KSR2: variants seen among roughly 807,000 people sequenced by gnomAD.
KSR2 encodes kinase suppressor of ras 2.
In KSR2, 25 loss-of-function variants were observed where a neutral mutation model predicts 107.8. That is an observed-to-expected ratio of 0.23 (90% confidence interval 0.17 to 0.32). The LOEUF (loss-of-function observed/expected upper bound fraction) is 0.32, where lower values mean the gene tolerates loss of function less well. KSR2 is among the 10% of genes least tolerant of loss of function. The pLI, the probability that KSR2 is intolerant of heterozygous loss-of-function variation, is 1.00. For missense variants in KSR2, 887 were observed against 1,268.9 expected (o/e 0.70, Z 4.57); for synonymous variants, 480 against 507.0 (o/e 0.95, Z 0.71).
chr12:117,785,481 T>C (rs574815383), intron 3 of KSR2, among the ~76,000 whole-genome samples: 2 of 139,436 alleles, frequency 1.4e-5, no homozygotes, highest in African/African-American at 5.3e-5. Context: ...GAGCCAGATA[T>C]TAGAATTACC....
intron 3 of KSR2, among the ~76,000 whole-genome samples, chr12:117,795,121 C>T (rs925387629): frequency 2.6e-5 from 4 of 152,160 alleles, no homozygotes; most frequent in Non-Finnish European, 4.4e-5. Context: ...CTGACTTGCA[C>T]GGCAAAGGAC....
chr12:117,534,237 G>A (rs1875870648), intron 10 of KSR2, among the ~76,000 whole-genome samples: 1 of 152,138 alleles, frequency 6.6e-6, no homozygotes, highest in South Asian at 2.1e-4. Flanking sequence ...GTCATTCTCT[G>A]CCTAAACCTT....
intron 17 of KSR2, among the ~76,000 whole-genome samples, chr12:117,475,446 GCA>G (rs1220159747): frequency 3.3e-5 from 5 of 151,730 alleles, no homozygotes; most frequent in Admixed American, 6.6e-5. Context: ...GAAACTTTTT[GCA>G]CAGTCTTTTG....
At chr12:117,899,212 G>A (rs569911080) in intron 1 of KSR2, among the ~76,000 whole-genome samples, 122 of 152,174 alleles carry the variant, frequency 8.0e-4, no homozygotes, top group Non-Finnish European at 1.5e-3. Flanking sequence ...AGTTAAACAC[G>A]GTTGGGCACG....
intron 6 of KSR2, among the ~76,000 whole-genome samples, chr12:117,580,429 C>A (rs1879572990): frequency 6.6e-6 from 1 of 152,216 alleles, no homozygotes; most frequent in South Asian, 2.1e-4. Flanking sequence ...CAGCCAGCCA[C>A]ATAGGAGTGG....
chr12:117,822,309 C>T (rs1891591200), intron 3 of KSR2, among the ~76,000 whole-genome samples: 1 of 152,192 alleles, frequency 6.6e-6, no homozygotes, highest in African/African-American at 2.4e-5. Flanking sequence ...TCTACGGACT[C>T]GCCCTGAATT....
At chr12:117,525,882 AGT>A (rs1875114346) in intron 13 of KSR2, among the ~76,000 whole-genome samples, 1 of 152,276 alleles carries the variant, frequency 6.6e-6, no homozygotes, top group African/African-American at 2.4e-5. Flanking sequence ...GAGACATGAG[AGT>A]GAGGGGTTAA....
chr12:117,912,737 TA>T (rs1288098472), intron 1 of KSR2, among the ~76,000 whole-genome samples: 5 of 152,130 alleles, frequency 3.3e-5, no homozygotes, highest in Non-Finnish European at 7.4e-5. Context: ...GAGCTGGATT[TA>T]AAAATATAAA....
intron 4 of KSR2, among the ~76,000 whole-genome samples, chr12:117,707,051 TA>T (rs1886556940): frequency 6.6e-6 from 1 of 152,222 alleles, no homozygotes; most frequent in African/African-American, 2.4e-5. Flanking sequence ...CAAAATGGAA[TA>T]TTATTCAGCC....
rs140923012 is a variant in KSR2, at chr12:117,485,824, C to A, written c.2220-133G>T. 2.6e-5 allele frequency: 16 copies of A among 610,930 alleles called. No homozygotes were observed. The African/African-American group carries it at 2.9e-4, about 11-fold the overall frequency. The allele number at this position is 610,930 out of a possible 1,614,324, so 37.8% of individuals were successfully genotyped here. A position where few individuals can be genotyped will look rare whatever the true frequency, so the allele number is the denominator to read the frequency against. On this transcript the variant is annotated intron_variant, in intron 14 of 19. Coordinates refer to ENST00000339824, the MANE Select transcript of KSR2 (RefSeq NM_173598.6). The stretch of plus-strand genomic sequence containing the variant: ...CTATTGTGCTTATGAGATAATAAGT[C>A]TGGGACTGGACTTCAGATCTGGTTC...
At chr12:117,847,669 C>T (rs1226312503) in intron 3 of KSR2, among the ~76,000 whole-genome samples, 2 of 152,210 alleles carry the variant, frequency 1.3e-5, no homozygotes, top group Admixed American at 6.5e-5. Context: ...AGTGTAAGCT[C>T]CTTGCCATGG....
intron 4 of KSR2, among the ~76,000 whole-genome samples, chr12:117,681,044 T>A (rs1312877464): frequency 6.6e-6 from 1 of 152,138 alleles, no homozygotes; most frequent in Non-Finnish European, 1.5e-5. Flanking sequence ...CCAAGGCAAG[T>A]GGATCCCTTG....
intron 1 of KSR2, among the ~76,000 whole-genome samples, chr12:117,937,065 G>A (rs147714770): frequency 0.013 from 1,904 of 152,294 alleles, 28 homozygotes; most frequent in Middle Eastern, 0.085. Context: ...CCCAGCTACC[G>A]TCTTAGCAGA....
At chr12:117,838,902 G>T (rs1046599770) in intron 3 of KSR2, among the ~76,000 whole-genome samples, 2 of 152,180 alleles carry the variant, frequency 1.3e-5, no homozygotes, top group African/African-American at 2.4e-5. Flanking sequence ...GGTTTTGTGG[G>T]CCATACGGTC....
intron 1 of KSR2, among the ~76,000 whole-genome samples, chr12:117,941,277 G>A (rs1430112121): frequency 6.6e-6 from 1 of 151,482 alleles, no homozygotes; most frequent in African/African-American, 2.4e-5. Flanking sequence ...TTCTTCCTGT[G>A]GGTTTCCTGC....
intron 5 of KSR2, among the ~76,000 whole-genome samples, chr12:117,612,158 A>G (rs1174785232): frequency 6.6e-6 from 1 of 152,136 alleles, no homozygotes; most frequent in African/African-American, 2.4e-5. Context: ...TAATCCCAGC[A>G]CTTTTGGGAG....
At chr12:117,955,246 C>T (rs1267217836) in intron 1 of KSR2, among the ~76,000 whole-genome samples, 1 of 151,918 alleles carries the variant, frequency 6.6e-6, no homozygotes, top group Non-Finnish European at 1.5e-5. Context: ...CCTCAGCCTC[C>T]CAGGTATCTG....
intron 9 of KSR2, among the ~76,000 whole-genome samples, chr12:117,540,101 C>T (rs1592972396): frequency 6.6e-6 from 1 of 152,222 alleles, no homozygotes; most frequent in South Asian, 2.1e-4. Context: ...AGTCGAATTC[C>T]TGTCCACTGC....
chr12:117,751,008 C>T (rs934690489), intron 4 of KSR2, among the ~76,000 whole-genome samples: 2 of 152,102 alleles, frequency 1.3e-5, no homozygotes, highest in African/African-American at 4.8e-5. Flanking sequence ...TTGGCAGTGT[C>T]CCCACTCAAA....
Sources: allele counts gnomAD v4.1 joint callset (sites outside exome capture counted in the v4.1 genomes callset), GRCh38; gene constraint gnomAD v4.1.1; transcripts MANE v1.5; gene names NCBI Gene and HGNC (gene_info 2026-07-23, HGNC 2026-07-21).